Variants in PSD3 observed in about 807,000 individuals in gnomAD.
PSD3 encodes PH and SEC7 domain-containing protein 3.
PSD3 carries 49 observed loss-of-function variants against 105.5 expected under a neutral mutation model. That is an observed-to-expected ratio of 0.46 (90% CI 0.37 to 0.59). PSD3 has a LOEUF of 0.59. Among genes scored for constraint, PSD3 ranks in the 20% least tolerant of loss-of-function variants. The pLI, the probability that PSD3 is intolerant of heterozygous loss-of-function variation, is 0.00. For synonymous variants in PSD3, 557 were observed against 457.8 expected, an observed-to-expected ratio of 1.22 and a Z score of -2.77; for missense variants, 1,561 against 1,263.8, an observed-to-expected ratio of 1.24 and a Z score of -3.57.
At chr8:18,602,738 G>C (rs1009288604) in intron 11 of PSD3, among the ~76,000 whole-genome samples, 2 of 152,062 alleles carry the variant, frequency 1.3e-5, no homozygotes, top group African/African-American at 4.8e-5. Flanking sequence ...AAAGTGGGCT[G>C]GGAAGGCTCT....
intron 8 of PSD3, among the ~76,000 whole-genome samples, chr8:18,785,562 G>T (rs1159279622): frequency 3.3e-5 from 5 of 152,118 alleles, no homozygotes; most frequent in Non-Finnish European, 7.4e-5. Context: ...CAGTAATAAG[G>T]CTGTTTTGCT....
At chr8:18,845,723 G>A (rs1238896828) in intron 4 of PSD3, among the ~76,000 whole-genome samples, 1 of 152,162 alleles carries the variant, frequency 6.6e-6, no homozygotes, top group Admixed American at 6.5e-5. Context: ...GATCATTTGA[G>A]GCCGGTCGTT....
intron 11 of PSD3, among the ~76,000 whole-genome samples, chr8:18,618,289 C>T (rs1374381053): frequency 6.6e-6 from 1 of 151,334 alleles, no homozygotes; most frequent in Non-Finnish European, 1.5e-5. Flanking sequence ...TGATTTATGT[C>T]TTTGCCTATA....
chr8:18,857,029 A>C (rs1816066406), intron 4 of PSD3, among the ~76,000 whole-genome samples: 1 of 152,210 alleles, frequency 6.6e-6, no homozygotes, highest in South Asian at 2.1e-4. Flanking sequence ...CAGGAAAATC[A>C]ATCAATCCCT....
intron 8 of PSD3, among the ~76,000 whole-genome samples, chr8:18,784,992 T>A (rs1206486095): frequency 6.6e-6 from 1 of 152,098 alleles, no homozygotes. Context: ...AATCACATGG[T>A]TATTTCCCCT....
Position 19,073,152 on chromosome 8 carries a change from T to C in PSD3, c.324+11054A>G, listed in dbSNP as rs76613774. Among the ~76,000 whole-genome samples the C allele has an allele frequency of 1.2e-4, 19 of 152,014 alleles. No homozygotes were observed. The South Asian group carries it at 2.3e-3, about 18-fold the overall frequency. On this transcript the variant is annotated intron_variant, in intron 1 of 1. Transcript: ENST00000521475. ...TAACAGAATGATAACCCATTTTTTTTCCCATAAGGCACAGACTGTTCCACC... is the reference window on the plus strand; with the variant it reads ...TAACAGAATGATAACCCATTTTTTTCCCCATAAGGCACAGACTGTTCCACC...
intron 8 of PSD3, among the ~76,000 whole-genome samples, chr8:18,798,406 A>G (rs1810378884): frequency 6.6e-6 from 1 of 151,880 alleles, no homozygotes; most frequent in South Asian, 2.1e-4. Flanking sequence ...TTCTCCCTGA[A>G]CCCCTTCCTC....
At chr8:18,623,818 C>T (rs796999344) in intron 11 of PSD3, among the ~76,000 whole-genome samples, 23 of 152,166 alleles carry the variant, frequency 1.5e-4, no homozygotes, top group African/African-American at 5.5e-4. Context: ...AAGTAACAAC[C>T]ATTCTATGTT....
intron 9 of PSD3, among the ~76,000 whole-genome samples, chr8:18,754,158 T>G (rs1717835693): frequency 6.6e-6 from 1 of 152,070 alleles, no homozygotes; most frequent in Non-Finnish European, 1.5e-5. Context: ...CCGAGGTGGG[T>G]GGATTACCTG....
intron 1 of PSD3, among the ~76,000 whole-genome samples, chr8:18,972,485 T>C (rs1276660263): frequency 6.6e-6 from 1 of 152,078 alleles, no homozygotes; most frequent in African/African-American, 2.4e-5. Flanking sequence ...CCGGAACAAG[T>C]TTCACAACAA....
At chr8:19,037,799 C>T (rs1827993152) in intron 1 of PSD3, among the ~76,000 whole-genome samples, 1 of 151,978 alleles carries the variant, frequency 6.6e-6, no homozygotes, top group Non-Finnish European at 1.5e-5. Flanking sequence ...AATTATACCA[C>T]CAGCTTTCTT....
intron 11 of PSD3, among the ~76,000 whole-genome samples, chr8:18,618,137 C>T (rs1335742842): frequency 6.6e-6 from 1 of 152,226 alleles, no homozygotes; most frequent in East Asian, 1.9e-4. Flanking sequence ...TTTATGCTGA[C>T]TATAACTCTT....
chr8:18,556,383 CA>C (rs112511528), intron 14 of PSD3, 31 bp from the exon 15 acceptor site: 1,077 of 1,337,914 alleles, frequency 8.0e-4, no homozygotes, highest in Admixed American at 1.9e-3. Context: ...ATTTAGCGTT[CA>C]AAAAAAAAAC....
intron 4 of PSD3, among the ~76,000 whole-genome samples, chr8:18,858,053 G>A (rs1816159636): frequency 6.6e-6 from 1 of 152,166 alleles, no homozygotes; most frequent in African/African-American, 2.4e-5. Context: ...CATGACCACT[G>A]TCTGTCTCAA....
At chr8:18,925,270 C>T (rs1423597290) in intron 2 of PSD3, among the ~76,000 whole-genome samples, 1 of 152,078 alleles carries the variant, frequency 6.6e-6, no homozygotes, top group African/African-American at 2.4e-5. Context: ...TGGCGTACAC[C>T]TGTGGTTTCA....
At chr8:18,774,585 T>C (rs552101956) in intron 8 of PSD3, 2 of 376,272 alleles carry the variant, frequency 5.3e-6, no homozygotes, top group Admixed American at 3.3e-5. Context: ...TGGTACAGCC[T>C]GTTCCTGCTG....
At chr8:18,723,359 A>G (rs1355057255) in intron 9 of PSD3, among the ~76,000 whole-genome samples, 2 of 152,230 alleles carry the variant, frequency 1.3e-5, no homozygotes, top group Non-Finnish European at 2.9e-5. Context: ...CTTTGTGCAT[A>G]TATGGATTTA....
rs373823998 is a variant in PSD3 at position 18,556,505 on chromosome 8, C to T, written c.2785-153G>A. On this transcript the variant is annotated intron_variant, in intron 14 of 15. Coordinates refer to ENST00000327040, the MANE Select transcript of PSD3 (RefSeq NM_015310.4). ...CTGCCACATCCTTCCAGCTTTCTCA[C>T]GCCCCTGTCCACATATTTCATATAT... 1.6e-4 allele frequency among the ~76,000 whole-genome samples: 25 copies of T among 152,360 alleles called. No individual in the cohort carries two copies. In the East Asian group the frequency reaches 3.9e-3, roughly 24 times the overall value.
intron 1 of PSD3, among the ~76,000 whole-genome samples, chr8:19,008,902 C>T (rs183997064): frequency 1.7e-3 from 262 of 152,302 alleles, no homozygotes; most frequent in Non-Finnish European, 2.2e-3. Flanking sequence ...AGCCCCAGCT[C>T]ATGGGAAGAA....
Sources: allele counts gnomAD v4.1 joint callset (sites outside exome capture counted in the v4.1 genomes callset), GRCh38; gene constraint gnomAD v4.1.1; transcripts MANE v1.5; gene names NCBI Gene and HGNC (gene_info 2026-07-23, HGNC 2026-07-21).